The following TLE4 variants were observed in gnomAD, a reference collection of about 807,000 sequenced individuals.
TLE4 encodes transducin-like enhancer protein 4.
Under a neutral mutation model 92.8 loss-of-function variants are expected in TLE4, and 8 were observed. The observed-to-expected ratio is 0.09, with a 90% CI of 0.05 to 0.16. The LOEUF (loss-of-function observed/expected upper bound fraction) is 0.16, where lower values mean the gene tolerates loss of function less well. TLE4 is among the 10% of genes least tolerant of loss of function. TLE4 has a pLI of 1.00. For missense variants in TLE4, 675 were observed against 997.6 expected (o/e 0.68, Z 4.36); for synonymous variants, 371 against 374.1 (o/e 0.99, Z 0.10).
At chr9:79,653,577 T>C (rs1335178764) in intron 7 of TLE4, among the ~76,000 whole-genome samples, 1 of 152,218 alleles carries the variant, frequency 6.6e-6, no homozygotes. Flanking sequence ...TTTTGGGAAT[T>C]TACTTAGCAC....
intron 5 of TLE4, among the ~76,000 whole-genome samples, chr9:79,614,393 G>A (rs1039197438): frequency 1.3e-5 from 2 of 152,234 alleles, no homozygotes; most frequent in Admixed American, 1.3e-4. Context: ...GGATGTTGAT[G>A]AAGCTGATTT....
chr9:79,706,545 A>G (rs1295345160), intron 10 of TLE4, among the ~76,000 whole-genome samples: 1 of 152,088 alleles, frequency 6.6e-6, no homozygotes, highest in Non-Finnish European at 1.5e-5. Context: ...GGTTTTAAAT[A>G]AGTACTATAA....
At chr9:79,617,445 C>T (rs367952674) in intron 5 of TLE4, among the ~76,000 whole-genome samples, 1 of 152,088 alleles carries the variant, frequency 6.6e-6, no homozygotes, top group Non-Finnish European at 1.5e-5. Context: ...TCTTTGAGAA[C>T]CTCAAACTCT....
Position 79,706,916 on chromosome 9 carries a change from C to T in TLE4, c.936+17C>T, listed in dbSNP as rs373348872. 8 of 1,612,408 alleles carry T rather than the reference C, an allele frequency of 5.0e-6. No individual in the cohort carries two copies. The highest frequency in any genetic ancestry group is 1.6e-4 in the Middle Eastern group (1 of 6,076). ...CTTAGCCTTGTAAGCAGCTCCTTAC[C>T]ATCTCTCTGAGTGTGGCCTCTGCCA... is the stretch of plus-strand genomic sequence containing the variant. On this transcript the variant is annotated intron_variant, in intron 11 of 19. Transcript: ENST00000376552.
At chr9:79,690,671 G>T (rs1349127316) in intron 8 of TLE4, among the ~76,000 whole-genome samples, 1 of 149,632 alleles carries the variant, frequency 6.7e-6, no homozygotes, top group East Asian at 2.0e-4. Flanking sequence ...TCAGGCTGGA[G>T]TGCAGTGGCA....
At chr9:79,650,774 T>G (rs531658970) in intron 6 of TLE4, among the ~76,000 whole-genome samples, 204 of 152,198 alleles carry the variant, frequency 1.3e-3, no homozygotes, top group African/African-American at 4.5e-3. Context: ...CATTTTCTGC[T>G]TGTAAACTTG....
chr9:79,672,292 G>A (rs1483898326), intron 8 of TLE4, among the ~76,000 whole-genome samples: 1 of 152,104 alleles, frequency 6.6e-6, no homozygotes, highest in African/African-American at 2.4e-5. Flanking sequence ...TGGGAAGAGT[G>A]TGGTTTTCCC....
intron 6 of TLE4, among the ~76,000 whole-genome samples, chr9:79,635,896 T>C (rs1174027728): frequency 2.0e-5 from 3 of 152,172 alleles, no homozygotes; most frequent in Non-Finnish European, 2.9e-5. Context: ...GACTGATGGA[T>C]GAAGGGAAAG....
At chr9:79,666,233 T>G (rs1002044556) in intron 8 of TLE4, among the ~76,000 whole-genome samples, 6 of 139,046 alleles carry the variant, frequency 4.3e-5, no homozygotes, top group African/African-American at 1.6e-4. Context: ...TTTTTTTTTT[T>G]TTTTTTGAGA....
chr9:79,659,913 AGAAATAGAAC>A (rs1321929405), intron 8 of TLE4, among the ~76,000 whole-genome samples: 1 of 152,262 alleles, frequency 6.6e-6, no homozygotes, highest in African/African-American at 2.4e-5. Context: ...GTTAAAGAAT[AGAAATAGAAC>A]TCTACCTTTT....
At chr9:79,652,170 G>A (rs1274219696) in intron 6 of TLE4, among the ~76,000 whole-genome samples, 6 of 151,788 alleles carry the variant, frequency 4.0e-5, no homozygotes, top group African/African-American at 1.2e-4. Flanking sequence ...TAAATCTTAC[G>A]TAGGTGTTGG....
intron 4 of TLE4, among the ~76,000 whole-genome samples, chr9:79,586,090 T>G (rs1171758916): frequency 1.3e-5 from 2 of 152,084 alleles, no homozygotes; most frequent in African/African-American, 4.8e-5. Context: ...TTAGAAAACT[T>G]AGGCTGGGCA....
chr9:79,594,841 AT>A (rs2043557564), intron 4 of TLE4, among the ~76,000 whole-genome samples: 1 of 152,212 alleles, frequency 6.6e-6, no homozygotes. Context: ...TCTGCAGAAA[AT>A]TTATTAAGCG....
chr9:79,616,467 C>T (rs1588099590), intron 5 of TLE4, among the ~76,000 whole-genome samples: 1 of 152,256 alleles, frequency 6.6e-6, no homozygotes, highest in Admixed American at 6.5e-5. Flanking sequence ...AGCTCTGTCT[C>T]CTCTTGGGAG....
At chr9:79,646,248 G>A (rs905593146) in intron 6 of TLE4, among the ~76,000 whole-genome samples, 41 of 152,230 alleles carry the variant, frequency 2.7e-4, no homozygotes, top group Admixed American at 3.9e-4. Context: ...GAATATCTTT[G>A]CAGGTTAATT....
chr9:79,629,395 C>T (rs1193609763), intron 6 of TLE4, among the ~76,000 whole-genome samples: 1 of 151,924 alleles, frequency 6.6e-6, no homozygotes, highest in Non-Finnish European at 1.5e-5. Flanking sequence ...TTTTTATATA[C>T]TTTATTTGGA....
intron 6 of TLE4, among the ~76,000 whole-genome samples, chr9:79,633,685 T>C (rs1323068239): frequency 6.6e-6 from 1 of 152,156 alleles, no homozygotes; most frequent in African/African-American, 2.4e-5. Flanking sequence ...CCCCATTTTA[T>C]AGGTTGTTTT....
At chr9:79,669,496 G>T (rs1403916040) in intron 8 of TLE4, among the ~76,000 whole-genome samples, 1 of 152,194 alleles carries the variant, frequency 6.6e-6, no homozygotes, top group Non-Finnish European at 1.5e-5. Flanking sequence ...TATTTGAATA[G>T]TCAGGAAAAT....
At chr9:79,583,672 T>C (rs368963244) in intron 4 of TLE4, among the ~76,000 whole-genome samples, 1 of 152,184 alleles carries the variant, frequency 6.6e-6, no homozygotes, top group East Asian at 1.9e-4. Flanking sequence ...TCTGTCCTTA[T>C]TTTCGAACTA....
Sources: gnomAD v4.1 joint callset for allele counts (sites outside exome capture counted in the v4.1 genomes callset) on GRCh38, gnomAD v4.1.1 for gene constraint, MANE v1.5 for transcripts, NCBI Gene and HGNC (gene_info 2026-07-23, HGNC 2026-07-21) for gene names.